Variants in DAP3 observed in about 807,000 individuals in gnomAD.
The protein encoded by DAP3 is small ribosomal subunit protein mS29.
In DAP3, 28 loss-of-function variants were observed where a neutral mutation model predicts 51.9. The observed-to-expected ratio is 0.54, with a 90% CI of 0.40 to 0.74. DAP3 has a LOEUF of 0.74. Ranked by LOEUF, DAP3 falls within the 30% of genes least tolerant of loss-of-function variation. The probability of loss-of-function intolerance (pLI) is 0.00; values close to 1 mark genes in which losing one functional copy is unlikely to be tolerated. For synonymous variants in DAP3, 170 were observed against 170.3 expected, an observed-to-expected ratio of 1.00 and a Z score of 0.01; for missense variants, 458 against 483.5, an observed-to-expected ratio of 0.95 and a Z score of 0.49.
chr1:155,723,477 C>T (rs1176758373), intron 4 of DAP3, among the ~76,000 whole-genome samples: 2 of 152,030 alleles, frequency 1.3e-5, no homozygotes, highest in Admixed American at 6.6e-5. Flanking sequence ...TACAGGTGCT[C>T]GCCACCACGC....
upstream of DAP3, chr1:155,688,816 TG>T: frequency 3.2e-6 from 5 of 1,565,408 alleles, no homozygotes; most frequent in Non-Finnish European, 4.3e-6. Context: ...ACCGCGGGAC[TG>T]TTCCATTCCT....
At chr1:155,721,826 A>G (rs960851213) in intron 4 of DAP3, 1 of 540,712 alleles carries the variant, frequency 1.8e-6, no homozygotes, top group Non-Finnish European at 3.3e-6. Context: ...GTATAGCCCA[A>G]GAAGATTCCA....
chr1:155,689,407 G>A, intron 1 of DAP3: 2 of 479,178 alleles, frequency 4.2e-6, no homozygotes. Flanking sequence ...CATATGCGAT[G>A]ATGTTTGTTT....
intron 4 of DAP3, among the ~76,000 whole-genome samples, chr1:155,722,333 G>A (rs1444217822): frequency 6.6e-6 from 1 of 152,184 alleles, no homozygotes; most frequent in Admixed American, 6.5e-5. Flanking sequence ...CTTGAGCTCA[G>A]GAGGTGAGGG....
intron 3 of DAP3, among the ~76,000 whole-genome samples, chr1:155,718,290 G>A (rs1657556104): frequency 6.6e-6 from 1 of 152,194 alleles, no homozygotes; most frequent in African/African-American, 2.4e-5. Flanking sequence ...GGAGGCTGAG[G>A]CAGGAGAATT....
chr1:155,702,166 A>AG (rs200699958), intron 1 of DAP3, among the ~76,000 whole-genome samples: 55 of 148,102 alleles, frequency 3.7e-4, no homozygotes, highest in East Asian at 5.8e-4. Flanking sequence ...AAAAAAAAAA[A>AG]AAAAGAAAAT....
upstream of DAP3, chr1:155,688,895 G>A (rs755107941): frequency 1.2e-6 from 2 of 1,612,398 alleles, no homozygotes; most frequent in South Asian, 1.1e-5. Flanking sequence ...GACTGGAATT[G>A]CCAGGGTGGC....
rs1314699375 is a variant in DAP3 at position 155,738,256 on chromosome 1, C to T, written c.*14C>T. On this transcript the variant is annotated 3_prime_UTR_variant, in exon 13 of 13. Transcript: ENST00000368336. The stretch of plus-strand genomic sequence containing the variant: ...GCCTACCTCTAAGCCAAGATCACAG[C>T]ATGTGAGGAAGACAGTGGACATCTG... The T allele has an allele frequency of 6.2e-7, 1 of 1,613,972 alleles. No homozygotes were observed. The highest frequency in any genetic ancestry group is 8.5e-7 in the Non-Finnish European group (1 of 1,179,868).
At chr1:155,688,488 G>A (rs1221016888), upstream of DAP3, 1 of 1,549,290 alleles carries the variant, frequency 6.5e-7, no homozygotes, top group East Asian at 2.4e-5. Context: ...CAGCCCGCAC[G>A]CGTACGAGTG....
chr1:155,731,518 G>A, intron 10 of DAP3, 103 bp downstream of exon 10: 1 of 1,170,286 alleles, frequency 8.5e-7, no homozygotes. Flanking sequence ...CTAATTTTAT[G>A]GACAGTAAGT....
At chr1:155,716,811 G>A (rs1657388569) in intron 2 of DAP3, among the ~76,000 whole-genome samples, 195 bp from the exon 3 acceptor site, 1 of 151,996 alleles carries the variant, frequency 6.6e-6, no homozygotes, top group South Asian at 2.1e-4. Flanking sequence ...GCCGGGTGTG[G>A]TGGCGCACGC....
intron 12 of DAP3, 56 bp downstream of exon 12, chr1:155,737,119 C>T: frequency 1.6e-6 from 2 of 1,228,574 alleles, no homozygotes; most frequent in Admixed American, 3.5e-5. Flanking sequence ...GAATCCCACT[C>T]AGTCAGAGCC....
rs61252469 is a variant in DAP3 at position 155,720,324 on chromosome 1, C to CAA, written c.169-1166_169-1165dup. Among the ~76,000 whole-genome samples the CAA allele has an allele frequency of 8.2e-3, 268 of 32,790 alleles. 27 individuals are homozygous for CAA. The highest frequency in any genetic ancestry group is 0.028 in the African/African-American group (215 of 7,640). 21.5% of individuals were successfully genotyped at this position (32,790 alleles called of 152,430 possible). A position where few individuals can be genotyped will look rare whatever the true frequency, so the allele number is the denominator to read the frequency against. The stretch of plus-strand genomic sequence containing the variant: ...TGGTAAACCGAGCAAGATCTTGTCT[C>CAA]AAAAAAAAAAAAAAAAAAAAAAAAA... On this transcript the variant is annotated intron_variant, in intron 3 of 12. Coordinates refer to ENST00000368336, the MANE Select transcript of DAP3 (RefSeq NM_004632.4).
chr1:155,718,560 G>A (rs1480199482), intron 3 of DAP3, among the ~76,000 whole-genome samples: 3 of 151,652 alleles, frequency 2.0e-5, no homozygotes, highest in Non-Finnish European at 2.9e-5. Flanking sequence ...GGTGGCGGGC[G>A]CCTGTAGTCC....
intron 1 of DAP3, among the ~76,000 whole-genome samples, chr1:155,696,711 C>T (rs907279946): frequency 6.6e-6 from 1 of 152,232 alleles, no homozygotes; most frequent in African/African-American, 2.4e-5. Flanking sequence ...CTCTAACTAG[C>T]TGGATAGCTT....
intron 1 of DAP3, among the ~76,000 whole-genome samples, chr1:155,704,977 T>C (rs1655763704): frequency 6.6e-6 from 1 of 152,020 alleles, no homozygotes; most frequent in African/African-American, 2.4e-5. Context: ...ATATTCCATC[T>C]CAGAAATAAA....
chr1:155,731,819 CTGTGCTAG>C (rs1659265185), intron 10 of DAP3, 117 bp from the exon 11 acceptor site: 2 of 886,236 alleles, frequency 2.3e-6, no homozygotes, highest in Admixed American at 6.7e-5. Context: ...TGCCATTTAA[CTGTGCTAG>C]ACCACACTTT....
At chr1:155,731,183 C>A (rs1387523246) in intron 9 of DAP3, among the ~76,000 whole-genome samples, 173 bp from the exon 10 acceptor site, 1 of 151,804 alleles carries the variant, frequency 6.6e-6, no homozygotes, top group Non-Finnish European at 1.5e-5. Flanking sequence ...AGGAGAATCG[C>A]TTGAACCCAG....
At chr1:155,702,693 G>A (rs569678081) in intron 1 of DAP3, among the ~76,000 whole-genome samples, 8 of 151,472 alleles carry the variant, frequency 5.3e-5, no homozygotes, top group Non-Finnish European at 8.8e-5. Context: ...TGACCAGGCC[G>A]GGCACGATGG....
Sources: allele counts gnomAD v4.1 joint callset (sites outside exome capture counted in the v4.1 genomes callset), GRCh38; gene constraint gnomAD v4.1.1; transcripts MANE v1.5; gene names NCBI Gene and HGNC (gene_info 2026-07-23, HGNC 2026-07-21).